Variants in PADI1 observed in about 807,000 individuals in gnomAD.
The protein encoded by PADI1 is peptidyl arginine deiminase 1.
PADI1 carries 65 observed loss-of-function variants against 74.8 expected under a neutral mutation model. That is an observed-to-expected ratio of 0.87 (90% CI 0.71 to 1.07). The LOEUF (loss-of-function observed/expected upper bound fraction) is 1.07, where lower values mean the gene tolerates loss of function less well. Ranked by LOEUF, PADI1 falls within the 50% of genes least tolerant of loss-of-function variation. The probability of loss-of-function intolerance (pLI) is 0.00; values close to 1 mark genes in which losing one functional copy is unlikely to be tolerated. For missense variants in PADI1, 943 were observed against 854.0 expected, an observed-to-expected ratio of 1.10 and a Z score of -1.30; for synonymous variants, 371 against 336.2, an observed-to-expected ratio of 1.10 and a Z score of -1.13.
intron 1 of PADI1, among the ~76,000 whole-genome samples, chr1:17,217,024 AGGGAGGGGAGGAGAGGAGGAGAG>A: frequency 1.4e-5 from 1 of 70,144 alleles, no homozygotes; most frequent in African/African-American, 5.4e-5. Flanking sequence ...AGGAGAGGGG[AGGGAGGGGAGGAGAGGAGGAGAG>A]GGGAGGGAGG....
intron 13 of PADI1, 107 bp from the exon 14 acceptor site, chr1:17,239,597 G>T: frequency 1.2e-6 from 1 of 806,692 alleles, no homozygotes; most frequent in Non-Finnish European, 2.1e-6. Context: ...TTCTGACCCT[G>T]GCACTGAGGT....
intron 10 of PADI1, 107 bp downstream of exon 10, chr1:17,230,786 AG>A: frequency 1.5e-6 from 1 of 669,228 alleles, no homozygotes; most frequent in Non-Finnish European, 2.6e-6. Flanking sequence ...GAACAGGAAG[AG>A]GGGGCAGAAG....
chr1:17,217,969 G>T (rs935940061), intron 1 of PADI1, among the ~76,000 whole-genome samples: 41 of 152,328 alleles, frequency 2.7e-4, no homozygotes, highest in African/African-American at 8.9e-4. Flanking sequence ...CAGCAAAGAG[G>T]TTGCTCATAT....
In PADI1 at chr1:17,237,603, G is replaced by T. The variant is rs1378842639; in HGVS notation, c.1458+145G>T. ...GACATTTTCTGGGTCAGGGCACCCT[G>T]ACACGCTCATCCTCACACTTCCAGG... On this transcript the variant is annotated intron_variant, in intron 12 of 15. Coordinates refer to ENST00000375471, the MANE Select transcript of PADI1 (RefSeq NM_013358.3). 6 of 644,950 alleles carry T rather than the reference G, an allele frequency of 9.3e-6. No individual in the cohort carries two copies. In the African/African-American group the frequency reaches 1.1e-4, roughly 12 times the overall value. 40.0% of individuals were successfully genotyped at this position (644,950 alleles called of 1,614,324 possible).
chr1:17,227,936 G>A (rs1406158779), intron 6 of PADI1, among the ~76,000 whole-genome samples: 1 of 152,238 alleles, frequency 6.6e-6, no homozygotes, highest in Non-Finnish European at 1.5e-5. Context: ...GCTTCTTTTA[G>A]TTAGCATAAT....
In PADI1 at chr1:17,226,142, G is replaced by A. The variant is rs1022245083; in HGVS notation, c.636G>A (p.Arg212=). 3.7e-6 allele frequency: 6 copies of A among 1,614,120 alleles called. No individual in the cohort carries two copies. Among genetic ancestry groups the A allele is most frequent in the Admixed American group, 1.7e-5 (1 of 60,020 alleles). ...CCTTTTCTGATTCCAAAAGAGTGAG[G>A]GTCTTCTGTGCCAGGGGTGAGTGGC... ...NVPFSDSKRV[R]VFCARGGNSL... is the part of the protein sequence containing the mutation. Residue 212 remains arginine (R), a synonymous_variant, in exon 6 of 16, where the codon AGG becomes AGA. Coordinates refer to ENST00000375471, the MANE Select transcript of PADI1 (RefSeq NM_013358.3).
chr1:17,207,871 G>A (rs1463585004), intron 1 of PADI1, among the ~76,000 whole-genome samples: 1 of 152,232 alleles, frequency 6.6e-6, no homozygotes, highest in Non-Finnish European at 1.5e-5. Context: ...CTCCAAACTA[G>A]GACACAGAAG....
chr1:17,235,261 G>GGAA (rs1553129533), intron 11 of PADI1, among the ~76,000 whole-genome samples: 1 of 73,000 alleles, frequency 1.4e-5, no homozygotes, highest in African/African-American at 6.4e-5. Flanking sequence ...GAGGGAGGAA[G>GGAA]GGAAGGAAGG....
intron 6 of PADI1, among the ~76,000 whole-genome samples, chr1:17,226,748 T>C: frequency 6.6e-6 from 1 of 152,142 alleles, no homozygotes; most frequent in South Asian, 2.1e-4. Context: ...ACCCTGTCTC[T>C]ATTAAAAATA....
At chr1:17,242,881 T>C (rs1301562985) in intron 15 of PADI1, among the ~76,000 whole-genome samples, 1 of 152,074 alleles carries the variant, frequency 6.6e-6, no homozygotes, top group Non-Finnish European at 1.5e-5. Context: ...CTTTGCCCCC[T>C]GCATGCCCCA....
At chr1:17,210,842 C>T (rs1204550292) in intron 1 of PADI1, among the ~76,000 whole-genome samples, 1 of 152,124 alleles carries the variant, frequency 6.6e-6, no homozygotes, top group African/African-American at 2.4e-5. Flanking sequence ...TTGGAGCTGC[C>T]CCCTCCTACT....
chr1:17,230,047 A>G lies in PADI1; in HGVS notation c.930-38A>G, dbSNP rs774606999. 1.9e-6 allele frequency: 3 copies of G among 1,594,036 alleles called. No individual in the cohort carries two copies. In the Admixed American group the frequency reaches 5.1e-5, roughly 27 times the overall value. On this transcript the variant is annotated intron_variant, in intron 8 of 15. Coordinates refer to ENST00000375471, the MANE Select transcript of PADI1 (RefSeq NM_013358.3). The stretch of plus-strand genomic sequence containing the variant: ...CCACTCACACCTCAGCCACAGTCAG[A>G]GGCCATTAGCATGCTCCCCTCTCCC...
intron 1 of PADI1, among the ~76,000 whole-genome samples, chr1:17,209,486 G>A (rs112338010): frequency 0.014 from 2,089 of 152,236 alleles, 22 homozygotes; most frequent in Non-Finnish European, 0.021. Flanking sequence ...CATCACGAAG[G>A]GCCTCAGAGG....
At chr1:17,219,256 A>C (rs1002510481) in intron 1 of PADI1, among the ~76,000 whole-genome samples, 2 of 152,012 alleles carry the variant, frequency 1.3e-5, no homozygotes, top group Non-Finnish European at 1.5e-5. Flanking sequence ...TATGGGATCT[A>C]TGGGACTATC....
intron 9 of PADI1, 38 bp downstream of exon 9, chr1:17,230,246 G>A: frequency 6.3e-7 from 1 of 1,599,276 alleles, no homozygotes. Context: ...CTGCAGCCTG[G>A]CTTGGGGAAA....
chr1:17,226,041 G>A lies in PADI1; in HGVS notation c.535G>A (p.Asp179Asn). 2 of 1,614,190 alleles carry A rather than the reference G, an allele frequency of 1.2e-6. No individual in the cohort carries two copies. Among genetic ancestry groups the A allele is most frequent in the Non-Finnish European group, 1.7e-6 (2 of 1,180,032 alleles). Residue 179 changes from aspartate (D) to asparagine (N), a missense_variant, in exon 6 of 16, where the codon GAC (aspartate) becomes AAC (asparagine). Asp to Asn is a conservative substitution (Grantham distance 23, BLOSUM62 1). Transcript: ENST00000375471. Reference sequence around the variant, plus strand: ...AGGGCCACTCTCTCCAGACCTGCAGGACATGTCCCCAATGCTGCTGAGCTG... The same window carrying A: ...AGGGCCACTCTCTCCAGACCTGCAGAACATGTCCCCAATGCTGCTGAGCTG... ...SWLMSLADLQ[D>N]MSPMLLSCNG...
chr1:17,205,364 C>T lies in PADI1; in HGVS notation c.92+55C>T, dbSNP rs2071657668. 4 of 1,397,350 alleles carry T rather than the reference C, an allele frequency of 2.9e-6. No individual in the cohort carries two copies. The Admixed American group carries it at 6.9e-5, about 24-fold the overall frequency. 86.6% of individuals were successfully genotyped at this position (1,397,350 alleles called of 1,614,324 possible). A position where few individuals can be genotyped will look rare whatever the true frequency, so the allele number is the denominator to read the frequency against. ...CAGAGAGCTGGGTTAGAGTGTAAGT[C>T]AATGGGGTGGGTGCCTGGTAGACAA... On this transcript the variant is annotated intron_variant, in intron 1 of 15. Coordinates refer to ENST00000375471, the MANE Select transcript of PADI1 (RefSeq NM_013358.3).
At chr1:17,223,216 TG>T (rs1179835239) in intron 2 of PADI1, among the ~76,000 whole-genome samples, 1 of 152,140 alleles carries the variant, frequency 6.6e-6, no homozygotes, top group Non-Finnish European at 1.5e-5. Context: ...GACCACTGAC[TG>T]GGGTGATGGA....
chr1:17,228,963 AC>A lies in PADI1; in HGVS notation c.844del (p.Leu282SerfsTer15), dbSNP rs770613186. On this transcript the variant is annotated frameshift_variant, in exon 8 of 16. Transcript: ENST00000375471. LOFTEE classifies it high-confidence loss of function. ...TTCCCCTCAGACCCTGCCCGAGGTG[AC>A]CCTCTTCACAGACACTGTGGGCTTC... Reference protein sequence around the residue: ...LVDPGTLPEVTLFTDTVGFRM... With the variant: ...LVDPGTLPEVXLFTDTVGFRM... 5.6e-6 allele frequency: 9 copies of A among 1,599,268 alleles called. No individual in the cohort carries two copies. The highest frequency in any genetic ancestry group is 7.7e-6 in the Non-Finnish European group (9 of 1,172,124).
Sources: allele counts gnomAD v4.1 joint callset (sites outside exome capture counted in the v4.1 genomes callset), GRCh38; gene constraint gnomAD v4.1.1; transcripts MANE v1.5; gene names NCBI Gene and HGNC (gene_info 2026-07-23, HGNC 2026-07-21).